The following PLEKHH2 variants were observed in gnomAD, a reference collection of about 807,000 sequenced individuals.
The protein encoded by PLEKHH2 is pleckstrin homology, MyTH4 and FERM domain containing H2, also known as pleckstrin homology domain-containing family H member 2.
PLEKHH2 carries 129 observed loss-of-function variants against 187.9 expected under a neutral mutation model. That is an observed-to-expected ratio of 0.69 (90% CI 0.59 to 0.79). The LOEUF (loss-of-function observed/expected upper bound fraction) is 0.79. Ranked by LOEUF, PLEKHH2 falls within the 30% of genes least tolerant of loss-of-function variation. The pLI is 0.00. For synonymous variants in PLEKHH2, 686 were observed against 605.6 expected, an observed-to-expected ratio of 1.13 and a Z score of -1.95; for missense variants, 2,076 against 1,751.2, an observed-to-expected ratio of 1.19 and a Z score of -3.31.
rs533493320 is a variant in PLEKHH2, at chr2:43,711,750, G to C, written c.2302-475G>C. 1.5e-3 allele frequency: 590 copies of C among 393,474 alleles called. 3 individuals are homozygous for C. In the South Asian group the frequency reaches 0.018, roughly 12 times the overall value. 24.4% of individuals were successfully genotyped at this position (393,474 alleles called of 1,614,324 possible). A position where few individuals can be genotyped will look rare whatever the true frequency, so the allele number is the denominator to read the frequency against. ...ACTAAAAATTCAAAAAAAATTATCC[G>C]GGCATGGTGGCAGGTGCCTGTAAGT... On this transcript the variant is annotated intron_variant, in intron 14 of 29. Coordinates refer to ENST00000282406, the MANE Select transcript of PLEKHH2 (RefSeq NM_172069.4).
At chr2:43,655,724 C>T (rs752987237) in intron 2 of PLEKHH2, among the ~76,000 whole-genome samples, 2 of 152,146 alleles carry the variant, frequency 1.3e-5, no homozygotes, top group Non-Finnish European at 2.9e-5. Context: ...GGAAATCTCA[C>T]TTGGGGTAGG....
chr2:43,665,758 T>G (rs1402674920), intron 2 of PLEKHH2, among the ~76,000 whole-genome samples: 3 of 128,598 alleles, frequency 2.3e-5, no homozygotes, highest in Admixed American at 7.8e-5. Flanking sequence ...GTGCCCCTGC[T>G]GGGGGGTGCC....
intron 20 of PLEKHH2, 133 bp from the exon 21 acceptor site, chr2:43,740,813 C>G: frequency 1.4e-6 from 2 of 1,381,900 alleles, no homozygotes; most frequent in Non-Finnish European, 1.9e-6. Context: ...ATGCTGTAAA[C>G]AGATCATGCA....
In PLEKHH2 at chr2:43,699,944, C is replaced by G. The variant is rs983914763; in HGVS notation, c.986C>G (p.Ser329Cys). Reference sequence around the variant, plus strand: ...GGAAGTGAAATGTATCTGACAGCATCTGATGACAGCAGCTCTATATTTGAG... The same window carrying G: ...GGAAGTGAAATGTATCTGACAGCATGTGATGACAGCAGCTCTATATTTGAG... ...RMGSEMYLTA[S>C]DDSSSIFEEE... Residue 329 changes from serine to cysteine, a missense_variant, in exon 8 of 30, where the codon TCT (serine) becomes TGT (cysteine). Ser to Cys is a moderately radical substitution (Grantham distance 112, BLOSUM62 -1). Transcript: ENST00000282406. The G allele has an allele frequency of 1.2e-5, 20 of 1,614,022 alleles. No individual in the cohort carries two copies. Among genetic ancestry groups the G allele is most frequent in the Non-Finnish European group, 1.5e-5 (18 of 1,180,004 alleles).
chr2:43,652,009 T>G (rs1666498635), intron 2 of PLEKHH2, among the ~76,000 whole-genome samples: 1 of 152,242 alleles, frequency 6.6e-6, no homozygotes, highest in African/African-American at 2.4e-5. Context: ...CAAAGTAAAC[T>G]GACAATTATG....
chr2:43,676,445 C>G (rs1289899514), intron 2 of PLEKHH2: 9 of 707,032 alleles, frequency 1.3e-5, no homozygotes, highest in African/African-American at 1.8e-5. Context: ...CGGGAGGTCG[C>G]TTCTCGGTGG....
chr2:43,691,746 C>G (rs1344240554), intron 3 of PLEKHH2, among the ~76,000 whole-genome samples: 1 of 152,174 alleles, frequency 6.6e-6, no homozygotes, highest in East Asian at 1.9e-4. Context: ...ATTTCTTGAA[C>G]TCCTGGACTC....
chr2:43,730,373 G>A (rs1670979308), intron 18 of PLEKHH2, among the ~76,000 whole-genome samples: 1 of 152,122 alleles, frequency 6.6e-6, no homozygotes, highest in Non-Finnish European at 1.5e-5. Context: ...AAGATTTATA[G>A]CATTTGTAGT....
At chr2:43,752,211 T>G (rs1236698005) in intron 24 of PLEKHH2, among the ~76,000 whole-genome samples, 2 of 152,198 alleles carry the variant, frequency 1.3e-5, no homozygotes, top group Non-Finnish European at 2.9e-5. Flanking sequence ...TTAAATTTTC[T>G]TCTCTTTGTT....
At chr2:43,641,423 G>A (rs1036105634) in intron 1 of PLEKHH2, among the ~76,000 whole-genome samples, 2 of 152,120 alleles carry the variant, frequency 1.3e-5, no homozygotes, top group Non-Finnish European at 2.9e-5. Flanking sequence ...GCAGGCCACA[G>A]GCAGCCCAGG....
rs111439158 is a variant in PLEKHH2, at chr2:43,689,226, A to C, written c.187-3288A>C. ...CTGAGTTAACCCTTTGCTGAACAGGAGTTTAGGGACCTTGGGATCAAGAAG... is the reference window on the plus strand; with the variant it reads ...CTGAGTTAACCCTTTGCTGAACAGGCGTTTAGGGACCTTGGGATCAAGAAG... On this transcript the variant is annotated intron_variant, in intron 3 of 29. Coordinates refer to ENST00000282406, the MANE Select transcript of PLEKHH2 (RefSeq NM_172069.4). Among the ~76,000 whole-genome samples the C allele has an allele frequency of 3.3e-3, 504 of 152,266 alleles. 2 individuals carry two copies. The highest frequency in any genetic ancestry group is 0.012 in the African/African-American group (491 of 41,518).
chr2:43,672,712 T>C (rs1487381518), intron 2 of PLEKHH2, among the ~76,000 whole-genome samples: 3 of 152,240 alleles, frequency 2.0e-5, no homozygotes, highest in Non-Finnish European at 4.4e-5. Flanking sequence ...TTTGATTAAC[T>C]ATTGCCTACT....
chr2:43,728,622 C>A (rs113306217), intron 17 of PLEKHH2, among the ~76,000 whole-genome samples: 26,287 of 145,604 alleles, frequency 0.18, 2,794 homozygotes, highest in Admixed American at 0.3. Context: ...AGTGCAGTGG[C>A]GTGATCTCGG....
chr2:43,651,298 A>T (rs572039778), intron 2 of PLEKHH2, among the ~76,000 whole-genome samples: 7 of 151,698 alleles, frequency 4.6e-5, no homozygotes, highest in Non-Finnish European at 1.0e-4. Context: ...CGAACTCCTG[A>T]CCTTGTGATC....
intron 24 of PLEKHH2, among the ~76,000 whole-genome samples, chr2:43,746,642 A>G (rs891276143): frequency 5.3e-5 from 8 of 152,298 alleles, no homozygotes; most frequent in African/African-American, 1.9e-4. Context: ...AATTTCCTTT[A>G]ACAGTATTAT....
In PLEKHH2 at chr2:43,660,332, G is replaced by A. The variant is rs74179045; in HGVS notation, c.123+15536G>A. ...AGTTTTGGCAATTACGAATACAGCT[G>A]CTGTAAACATTCACATACAGGTGTT... is the stretch of plus-strand genomic sequence containing the variant. On this transcript the variant is annotated intron_variant, in intron 2 of 29. Coordinates refer to ENST00000282406, the MANE Select transcript of PLEKHH2 (RefSeq NM_172069.4). Among the ~76,000 whole-genome samples, 795 of 151,852 alleles carry A rather than the reference G, an allele frequency of 5.2e-3. 6 individuals carry two copies. Among genetic ancestry groups the A allele is most frequent in the Admixed American group, 0.011 (170 of 15,236 alleles).
chr2:43,646,370 A>G (rs865882429), intron 2 of PLEKHH2, among the ~76,000 whole-genome samples: 2 of 152,140 alleles, frequency 1.3e-5, no homozygotes, highest in South Asian at 4.1e-4. Context: ...AGGATCCACC[A>G]ATTATGTCCT....
intron 3 of PLEKHH2, among the ~76,000 whole-genome samples, chr2:43,688,162 G>T (rs1408774824): frequency 6.6e-6 from 1 of 152,062 alleles, no homozygotes; most frequent in Non-Finnish European, 1.5e-5. Flanking sequence ...CACAGCAAAA[G>T]AAACTATCAA....
chr2:43,745,051 C>T (rs191383491), intron 23 of PLEKHH2, among the ~76,000 whole-genome samples: 7 of 152,128 alleles, frequency 4.6e-5, no homozygotes, highest in South Asian at 2.1e-4. Flanking sequence ...TGGTGGCTCA[C>T]GCCTGTAATC....
Sources: gnomAD v4.1 joint callset for allele counts (sites outside exome capture counted in the v4.1 genomes callset) on GRCh38, gnomAD v4.1.1 for gene constraint, MANE v1.5 for transcripts, NCBI Gene and HGNC (gene_info 2026-07-23, HGNC 2026-07-21) for gene names.